The following DYM variants were observed in gnomAD, a reference collection of about 807,000 sequenced individuals.
DYM encodes dymeclin.
A neutral mutation model predicts 93.1 loss-of-function variants in DYM; 78 were observed. That is an observed-to-expected ratio of 0.84 (90% confidence interval 0.70 to 1.01). The LOEUF (loss-of-function observed/expected upper bound fraction) is 1.01. Among genes scored for constraint, DYM ranks in the 50% least tolerant of loss-of-function variants. The pLI is 0.00. For missense variants in DYM, 789 were observed against 845.0 expected, an observed-to-expected ratio of 0.93 and a Z score of 0.82; for synonymous variants, 321 against 319.7, an observed-to-expected ratio of 1.00 and a Z score of -0.04.
intron 17 of DYM, among the ~76,000 whole-genome samples, chr18:49,076,858 A>G (rs1346951821): frequency 1.3e-5 from 2 of 152,234 alleles, no homozygotes; most frequent in Non-Finnish European, 2.9e-5. Context: ...ATGTGGAGAA[A>G]GAATGCTCTT....
chr18:49,127,164 C>G (rs1163621724), intron 15 of DYM, among the ~76,000 whole-genome samples: 1 of 152,152 alleles, frequency 6.6e-6, no homozygotes, highest in Non-Finnish European at 1.5e-5. Context: ...AGGAACAGAT[C>G]TCATATCAGA....
intron 13 of DYM, among the ~76,000 whole-genome samples, chr18:49,217,032 G>C (rs562372185): frequency 6.6e-6 from 1 of 152,264 alleles, no homozygotes; most frequent in South Asian, 2.1e-4. Context: ...TGTATAACTA[G>C]AATAATCAAT....
chr18:49,107,703 G>A (rs904555876), intron 16 of DYM, among the ~76,000 whole-genome samples: 9 of 152,166 alleles, frequency 5.9e-5, no homozygotes, highest in Admixed American at 2.6e-4. Flanking sequence ...TATCAGCAGC[G>A]GAGGCTACAG....
rs2148789655 is a variant in DYM at position 49,460,393 on chromosome 18, C to A, written c.-54+5G>T. The A allele has an allele frequency of 6.6e-6, 1 of 152,378 alleles. No homozygotes were observed. 9.4% of individuals were successfully genotyped at this position (152,378 alleles called of 1,614,324 possible). ...CGCGCTGAGGGGGGCGGCGCTACAG[C>A]CCACCTGTCTCAGCCGGCTGGGGGA... On this transcript the variant is annotated splice_donor_5th_base_variant and intron_variant, in intron 1 of 17. Transcript: ENST00000675505.
intron 6 of DYM, among the ~76,000 whole-genome samples, chr18:49,361,062 T>A (rs988802658): frequency 6.6e-6 from 1 of 152,216 alleles, no homozygotes; most frequent in Non-Finnish European, 1.5e-5. Flanking sequence ...CATGGTCACA[T>A]GGAACCGCCA....
intron 16 of DYM, among the ~76,000 whole-genome samples, chr18:49,109,771 TAACCATGCCTATCTTTTACTCCAG>T (rs2081216790): frequency 6.6e-6 from 1 of 152,238 alleles, no homozygotes; most frequent in Admixed American, 6.5e-5. Flanking sequence ...GAGTGGTCAG[TAACCATGCCTATCTTTTACTCCAG>T]AAGGAGATAC....
chr18:49,070,662 C>A (rs1435280012), intron 17 of DYM, among the ~76,000 whole-genome samples: 2 of 152,134 alleles, frequency 1.3e-5, no homozygotes, highest in Non-Finnish European at 2.9e-5. Flanking sequence ...AGAAACTGTG[C>A]CCCCCTAAAC....
At chr18:49,399,934 C>CTTTTTTTTTTTTTTTT (rs1201370040) in intron 2 of DYM, among the ~76,000 whole-genome samples, 87 of 66,136 alleles carry the variant, frequency 1.3e-3, no homozygotes, top group Admixed American at 1.9e-3. Context: ...TTTTATTTTT[C>CTTTTTTTTTTTTTTTT]TTTTTTTTTT....
rs762203166 is a variant in DYM, at chr18:49,044,006, T to C, written c.*49A>G. The C allele has an allele frequency of 9.3e-6, 15 of 1,609,546 alleles. No individual in the cohort carries two copies. The highest frequency in any genetic ancestry group is 1.3e-5 in the Non-Finnish European group (15 of 1,178,384). ...TTCTGTTACCCAGAAATAAAAGAACTTGAAGGGCTGCTTGGCTGGAGGGGT... is the reference window on the plus strand; with the variant it reads ...TTCTGTTACCCAGAAATAAAAGAACCTGAAGGGCTGCTTGGCTGGAGGGGT... On this transcript the variant is annotated 3_prime_UTR_variant, in exon 18 of 18. Transcript: ENST00000675505.
At chr18:49,221,711 A>G (rs1214444441) in intron 13 of DYM, among the ~76,000 whole-genome samples, 2 of 152,102 alleles carry the variant, frequency 1.3e-5, no homozygotes, top group Admixed American at 6.6e-5. Context: ...AACAATGAGA[A>G]CACATGGACA....
intron 13 of DYM, among the ~76,000 whole-genome samples, chr18:49,232,913 A>G (rs1002103607): frequency 3.3e-5 from 5 of 152,006 alleles, no homozygotes; most frequent in African/African-American, 1.2e-4. Context: ...CCAGCCTGAA[A>G]CGGAATTTCT....
chr18:49,060,868 G>T (rs2075935790), intron 17 of DYM, among the ~76,000 whole-genome samples: 1 of 152,148 alleles, frequency 6.6e-6, no homozygotes, highest in Admixed American at 6.5e-5. Flanking sequence ...TCCTGATGGA[G>T]AGGAGAGAAG....
Position 49,257,049 on chromosome 18 carries a change from A to C in DYM, c.1421T>G (p.Phe474Cys). ...GGCAGCATACTGATGGAGAGAACGA[A>C]ACTGTGCCGACATATTTGCTAAAGC... ...LAALANMSAQFRSLHQYAAQR... is the reference protein window; with the variant it reads ...LAALANMSAQCRSLHQYAAQR... Residue 474 changes from phenylalanine to cysteine, a missense_variant, in exon 13 of 18, where the codon TTT (phenylalanine) becomes TGT (cysteine). This residue lies in a region of DYM where 225 missense variants were observed against 303.0 expected (regional missense o/e 0.74). Coordinates refer to ENST00000675505, the MANE Select transcript of DYM (RefSeq NM_001353214.3). 6.2e-7 allele frequency: 1 copy of C among 1,614,016 alleles called. No individual in the cohort carries two copies. Among genetic ancestry groups the C allele is most frequent in the Non-Finnish European group, 8.5e-7 (1 of 1,179,914 alleles).
intron 13 of DYM, among the ~76,000 whole-genome samples, chr18:49,227,790 C>T (rs951490839): frequency 2.6e-5 from 4 of 152,272 alleles, no homozygotes; most frequent in Non-Finnish European, 4.4e-5. Flanking sequence ...GTGACTGAGG[C>T]ATATACCTCA....
At chr18:49,301,002 G>T (rs903526825) in intron 8 of DYM, among the ~76,000 whole-genome samples, 1 of 152,132 alleles carries the variant, frequency 6.6e-6, no homozygotes, top group Non-Finnish European at 1.5e-5. Flanking sequence ...CTTAAAGTTA[G>T]CAATAGTAAA....
At chr18:49,320,188 T>C (rs1344259289) in intron 8 of DYM, among the ~76,000 whole-genome samples, 2 of 152,190 alleles carry the variant, frequency 1.3e-5, no homozygotes, top group South Asian at 2.1e-4. Context: ...GATTAAGATA[T>C]ACATTTTTAA....
intron 5 of DYM, among the ~76,000 whole-genome samples, chr18:49,376,346 G>T (rs2067508274): frequency 6.6e-6 from 1 of 152,160 alleles, no homozygotes; most frequent in African/African-American, 2.4e-5. Context: ...GATGAAACTT[G>T]AATTTAAATA....
At chr18:49,345,221 A>G (rs1472555590) in intron 6 of DYM, among the ~76,000 whole-genome samples, 2 of 152,144 alleles carry the variant, frequency 1.3e-5, no homozygotes, top group Non-Finnish European at 2.9e-5. Flanking sequence ...AGAAGGGGGA[A>G]AAAATGCACT....
chr18:49,427,787 T>G (rs2074425885), intron 2 of DYM, among the ~76,000 whole-genome samples: 1 of 151,976 alleles, frequency 6.6e-6, no homozygotes, highest in Non-Finnish European at 1.5e-5. Context: ...CACTCAGCAA[T>G]AAAAAGGAAT....
Sources: gnomAD v4.1 joint callset for allele counts (sites outside exome capture counted in the v4.1 genomes callset) on GRCh38, gnomAD v4.1.1 for gene constraint, gnomAD v4.1.1 regional missense constraint, MANE v1.5 for transcripts, NCBI Gene and HGNC (gene_info 2026-07-23, HGNC 2026-07-21) for gene names.